EXOC3L2: variants seen among roughly 807,000 people sequenced by gnomAD.
EXOC3L2 encodes exocyst complex component 3 like 2, also known as exocyst complex component 3-like protein 2.
A neutral mutation model predicts 44.4 loss-of-function variants in EXOC3L2; 17 were observed. The ratio of observed to expected loss-of-function variants is 0.38; its 90% confidence interval spans 0.26 to 0.57. The LOEUF is 0.57. EXOC3L2 is among the 20% of genes least tolerant of loss of function. The pLI is 0.65. For synonymous variants in EXOC3L2, 256 were observed against 253.7 expected (o/e 1.01, Z -0.09); for missense variants, 541 against 588.4 (o/e 0.92, Z 0.83).
At chr19:45,220,202 C>T (rs750309208) in intron 8 of EXOC3L2, among the ~76,000 whole-genome samples, 1 of 151,912 alleles carries the variant, frequency 6.6e-6, no homozygotes, top group East Asian at 1.9e-4. Flanking sequence ...TAATTAAGGG[C>T]TGGGCACAGT....
chr19:45,226,312 A>G (rs1285977152), intron 7 of EXOC3L2, among the ~76,000 whole-genome samples: 1 of 152,176 alleles, frequency 6.6e-6, no homozygotes, highest in African/African-American at 2.4e-5. Context: ...ATGATAGGAA[A>G]TGGGAATGGC....
Position 45,227,659 on chromosome 19 carries a change from C to A in EXOC3L2, c.1583+3G>T. On this transcript the variant is annotated splice_donor_region_variant and intron_variant, in intron 7 of 11. Coordinates refer to ENST00000413988, the MANE Select transcript of EXOC3L2 (RefSeq NM_001382422.1). ...CCCTCCATCACACCATGGATGCCCTCACCTCAGTGGGGGGCCGCAGTTGAC... is the reference window on the plus strand; with the variant it reads ...CCCTCCATCACACCATGGATGCCCTAACCTCAGTGGGGGGCCGCAGTTGAC... 6.2e-7 allele frequency: 1 copy of A among 1,608,890 alleles called. No homozygotes were observed. The highest frequency in any genetic ancestry group is 8.5e-7 in the Non-Finnish European group (1 of 1,178,446).
At chr19:45,214,887 G>A (rs577380257) in intron 11 of EXOC3L2, among the ~76,000 whole-genome samples, 1 of 152,192 alleles carries the variant, frequency 6.6e-6, no homozygotes, top group East Asian at 1.9e-4. Context: ...CAAGCGCAGT[G>A]GCTCACGCCT....
intron 4 of EXOC3L2, among the ~76,000 whole-genome samples, chr19:45,229,419 T>C (rs1472480836): frequency 6.8e-6 from 1 of 146,704 alleles, no homozygotes; most frequent in African/African-American, 2.5e-5. Context: ...TAATAATTCA[T>C]AATACGTTAT....
rs1970100065 is a variant in EXOC3L2 at position 45,238,178 on chromosome 19, G to A, written c.523+345C>T. On this transcript the variant is annotated intron_variant, in intron 2 of 11. Coordinates refer to ENST00000413988, the MANE Select transcript of EXOC3L2 (RefSeq NM_001382422.1). This position sits in a 1 kb window ranked among gnomAD's most constrained non-coding sequence, Gnocchi z 5.5. ...AAATAAAGAAATTGAAGAAATTGGG[G>A]ATAGAAAGAGAAGGGGGAGAGATGG... Among the ~76,000 whole-genome samples the A allele has an allele frequency of 1.3e-5, 2 of 151,962 alleles. No individual in the cohort carries two copies. Among genetic ancestry groups the A allele is most frequent in the South Asian group, 4.2e-4 (2 of 4,796 alleles).
At chr19:45,214,285 T>C (rs1490203833) in intron 11 of EXOC3L2, among the ~76,000 whole-genome samples, 1 of 152,088 alleles carries the variant, frequency 6.6e-6, no homozygotes, top group Non-Finnish European at 1.5e-5. Flanking sequence ...CGCTCATGCC[T>C]CACTCCTTGT....
intron 1 of EXOC3L2, among the ~76,000 whole-genome samples, chr19:45,240,695 A>G (rs1970124010): frequency 1.3e-5 from 2 of 152,250 alleles, no homozygotes; most frequent in Admixed American, 6.5e-5. Flanking sequence ...CAGGAGTTCG[A>G]GACCAGCTTG....
At chr19:45,213,702 T>TG (rs1001905828) in intron 11 of EXOC3L2, among the ~76,000 whole-genome samples, 5 of 151,804 alleles carry the variant, frequency 3.3e-5, no homozygotes, top group African/African-American at 9.7e-5. Flanking sequence ...CCCAGCACTT[T>TG]GGGGGGCCAA....
chr19:45,228,156 A>G lies in EXOC3L2; in HGVS notation c.1371+9T>C. On this transcript the variant is annotated intron_variant, in intron 5 of 11. Transcript: ENST00000413988. ...CCAGCCCATCCCCCAGCCTCCCTCC[A>G]CCTCCTACCTCACACACATCCTGGG... is the stretch of plus-strand genomic sequence containing the variant. The G allele has an allele frequency of 2.5e-6, 4 of 1,613,200 alleles. No homozygotes were observed. The highest frequency in any genetic ancestry group is 3.4e-6 in the Non-Finnish European group (4 of 1,179,734).
chr19:45,217,914 A>C (rs867150036), intron 9 of EXOC3L2, among the ~76,000 whole-genome samples: 1 of 151,552 alleles, frequency 6.6e-6, no homozygotes, highest in South Asian at 2.1e-4. Flanking sequence ...AGGGTGCTCC[A>C]TCCCAGCCTC....
At chr19:45,224,627 C>T (rs1969934824) in intron 8 of EXOC3L2, 151 bp downstream of exon 8, 2 of 1,222,402 alleles carry the variant, frequency 1.6e-6, no homozygotes, top group Non-Finnish European at 2.2e-6. Context: ...ACTCCACCAA[C>T]AGCCCAGGCA....
At position 45,224,897 on chromosome 19, in the gene EXOC3L2, G is replaced by A. The variant is rs1969940134; in HGVS notation, c.1600C>T (p.Leu534=). The change falls in exon 8 of 12, where the codon CTG becomes TTG. Residue 534 remains leucine (L), a synonymous_variant. Coordinates refer to ENST00000413988, the MANE Select transcript of EXOC3L2 (RefSeq NM_001382422.1). ...CTTTCTGGGGGCCCCACCCGGGCCAGGCGCTCGGCCAGAGCTCTGTGGGGA... is the reference window on the plus strand; with the variant it reads ...CTTTCTGGGGGCCCCACCCGGGCCAAGCGCTCGGCCAGAGCTCTGTGGGGA... The part of the protein sequence containing the change: ...GPPLRALAER[L]ARVGPPESEP... 6.4e-7 allele frequency: 1 copy of A among 1,557,052 alleles called. No individual in the cohort carries two copies. Among genetic ancestry groups the A allele is most frequent in the East Asian group, 2.3e-5 (1 of 43,240 alleles).
At position 45,213,240 on chromosome 19, in the gene EXOC3L2, G is replaced by C. The variant is rs536261489; in HGVS notation, c.2238C>G (p.Pro746=). 1.2e-6 allele frequency: 2 copies of C among 1,613,266 alleles called. No individual in the cohort carries two copies. Among genetic ancestry groups the C allele is most frequent in the African/African-American group, 2.7e-5 (2 of 75,000 alleles). Residue 746 remains proline (P), a synonymous_variant, in exon 12 of 12, where the codon CCC becomes CCG. Coordinates refer to ENST00000413988, the MANE Select transcript of EXOC3L2 (RefSeq NM_001382422.1). The stretch of plus-strand genomic sequence containing the variant: ...CTGCAAAGAAGGCACGGTCCCGAGG[G>C]GGTGACAGGGCTCCCTCCTCAGAGA... ...LELSEEGALS[P]PRDRAFFADI... is the part of the protein sequence containing the mutation.
chr19:45,240,844 C>T (rs752700681), intron 1 of EXOC3L2, among the ~76,000 whole-genome samples: 44 of 152,000 alleles, frequency 2.9e-4, no homozygotes, highest in Non-Finnish European at 3.8e-4. Flanking sequence ...GCAGAAGTTG[C>T]GGTGAGCTGA....
chr19:45,212,948 T>C lies in EXOC3L2; in HGVS notation c.*121A>G. On this transcript the variant is annotated 3_prime_UTR_variant, in exon 12 of 12. Coordinates refer to ENST00000413988, the MANE Select transcript of EXOC3L2 (RefSeq NM_001382422.1). ...GTTTGGGGTTGGGTGAAAAGACATC[T>C]AAGGGTCTTTCTATCCCAGGGGTGT... 2 of 1,184,134 alleles carry C rather than the reference T, an allele frequency of 1.7e-6. No homozygotes were observed. Among genetic ancestry groups the C allele is most frequent in the South Asian group, 1.9e-5 (1 of 53,286 alleles). The allele number at this position is 1,184,134 out of a possible 1,614,324, so 73.4% of individuals were successfully genotyped here. A position where few individuals can be genotyped will look rare whatever the true frequency, so the allele number is the denominator to read the frequency against.
At chr19:45,219,259 G>C (rs60528995) in intron 8 of EXOC3L2, among the ~76,000 whole-genome samples, 10,494 of 151,554 alleles carry the variant, frequency 0.069, 704 homozygotes, top group East Asian at 0.19. Context: ...GCTGGGTATG[G>C]TGTCATGTGC....
chr19:45,224,722 G>C, intron 8 of EXOC3L2, 56 bp downstream of exon 8: 1 of 1,522,756 alleles, frequency 6.6e-7, no homozygotes, highest in Non-Finnish European at 8.8e-7. Flanking sequence ...GATGGTGGGG[G>C]GCAGCGCTTC....
intron 8 of EXOC3L2, among the ~76,000 whole-genome samples, chr19:45,219,849 C>T (rs781513159): frequency 6.6e-6 from 1 of 152,094 alleles, no homozygotes; most frequent in Non-Finnish European, 1.5e-5. Flanking sequence ...TTTTAAAAAC[C>T]GTCTTTTGGC....
chr19:45,230,634 C>T (rs866017847), intron 4 of EXOC3L2, among the ~76,000 whole-genome samples: 33 of 152,270 alleles, frequency 2.2e-4, no homozygotes, highest in Middle Eastern at 3.4e-3. Flanking sequence ...CAGGTGTGAG[C>T]CACCGCGCCC....
Sources: allele counts gnomAD v4.1 joint callset (sites outside exome capture counted in the v4.1 genomes callset), GRCh38; gene constraint gnomAD v4.1.1; non-coding constraint Gnocchi (gnomAD v3.1); transcripts MANE v1.5; gene names NCBI Gene and HGNC (gene_info 2026-07-23, HGNC 2026-07-21).